Variants in POLR3A observed in about 807,000 individuals in gnomAD.
POLR3A encodes DNA-directed RNA polymerase III subunit RPC1.
A neutral mutation model predicts 152.8 loss-of-function variants in POLR3A; 112 were observed. The observed-to-expected ratio is 0.73, with a 90% CI of 0.63 to 0.86. POLR3A has a LOEUF of 0.86. Among genes scored for constraint, POLR3A ranks in the 40% least tolerant of loss-of-function variants. The probability of loss-of-function intolerance (pLI) is 0.00; values close to 1 mark genes in which losing one functional copy is unlikely to be tolerated. For synonymous variants in POLR3A, 615 were observed against 652.1 expected, an observed-to-expected ratio of 0.94 and a Z score of 0.87; for missense variants, 1,385 against 1,743.1, an observed-to-expected ratio of 0.79 and a Z score of 3.66.
intron 19 of POLR3A, among the ~76,000 whole-genome samples, chr10:77,999,236 C>G (rs913221906): frequency 1.3e-5 from 2 of 152,224 alleles, no homozygotes; most frequent in East Asian, 3.9e-4. Context: ...CAACATGGCA[C>G]ATGTATACAT....
chr10:78,028,356 C>T (rs1847657255), intron 1 of POLR3A, among the ~76,000 whole-genome samples: 1 of 152,154 alleles, frequency 6.6e-6, no homozygotes, highest in Non-Finnish European at 1.5e-5. Context: ...ACCCCCTGGA[C>T]CTACCCTTGT....
In POLR3A at chr10:78,004,813, A is replaced by G. The variant is rs1390740418; in HGVS notation, c.2150T>C (p.Leu717Pro). 1 of 1,614,040 alleles carries G rather than the reference A, an allele frequency of 6.2e-7. No individual in the cohort carries two copies. The highest frequency in any genetic ancestry group is 1.1e-5 in the South Asian group (1 of 91,074). ...ATCACATTTCTTGTAGCCGGCATTC[A>G]GCAACTCATACTTGGCCTTCAGCAG... Reference protein sequence around the residue: ...QGLLKAKYELLNAGYKKCDEY... With the variant: ...QGLLKAKYELPNAGYKKCDEY... Residue 717 changes from leucine to proline, a missense_variant, in exon 16 of 31, where the codon CTG becomes CCG. Physicochemically the swap from Leu to Pro is moderately conservative, Grantham distance 98 (BLOSUM62 -3). Coordinates refer to ENST00000372371, the MANE Select transcript of POLR3A (RefSeq NM_007055.4).
chr10:78,000,190 A>G (rs1029023461), intron 18 of POLR3A, 72 bp from the exon 19 acceptor site: 70 of 1,363,528 alleles, frequency 5.1e-5, no homozygotes, highest in Non-Finnish European at 7.2e-5. Context: ...ATCCACTCAA[A>G]TCAGAAAATG....
chr10:78,004,562 C>G (rs940016384), intron 16 of POLR3A, among the ~76,000 whole-genome samples, 154 bp downstream of exon 16: 3 of 152,142 alleles, frequency 2.0e-5, no homozygotes, highest in Admixed American at 1.3e-4. Context: ...AGGACATACA[C>G]AGTGAGCCCT....
chr10:77,999,342 G>T (rs1200499486), intron 19 of POLR3A, among the ~76,000 whole-genome samples: 3 of 151,944 alleles, frequency 2.0e-5, no homozygotes, highest in Non-Finnish European at 4.4e-5. Flanking sequence ...TGAGTGGAGA[G>T]TACAGGGATT....
intron 11 of POLR3A, among the ~76,000 whole-genome samples, chr10:78,012,555 C>T (rs927407397): frequency 1.3e-5 from 2 of 151,952 alleles, no homozygotes; most frequent in East Asian, 3.9e-4. Context: ...TTACCAGTTC[C>T]TAATATAGGA....
At chr10:78,028,941 C>G (rs1032059196) in intron 1 of POLR3A, among the ~76,000 whole-genome samples, 2 of 152,140 alleles carry the variant, frequency 1.3e-5, no homozygotes, top group African/African-American at 2.4e-5. Context: ...GTGGGCAACC[C>G]CATCCTTTTG....
intron 5 of POLR3A, among the ~76,000 whole-genome samples, chr10:78,022,716 T>C (rs1449375902): frequency 6.6e-6 from 1 of 152,232 alleles, no homozygotes; most frequent in Admixed American, 6.5e-5. Flanking sequence ...AAAGCTGTTC[T>C]TAACAGTGAA....
chr10:78,007,816 T>C lies in POLR3A; in HGVS notation c.1960A>G (p.Thr654Ala), dbSNP rs764166465. Residue 654 changes from threonine to alanine, a missense_variant, in exon 15 of 31, where the codon ACC becomes GCC. Physicochemically the swap from Thr to Ala is moderately conservative, Grantham distance 58. Transcript: ENST00000372371. ...TTGTTCTTGGATCCTGACCCTAGGGTTCCTTTGTCCATGCTGCCACTCATC... is the reference window on the plus strand; with the variant it reads ...TTGTTCTTGGATCCTGACCCTAGGGCTCCTTTGTCCATGCTGCCACTCATC... ...ELMSGSMDKG[T>A]LGSGSKNNIF... 38 of 1,613,002 alleles carry C rather than the reference T, an allele frequency of 2.4e-5. No homozygotes were observed. The highest frequency in any genetic ancestry group is 3.1e-5 in the Non-Finnish European group (36 of 1,179,154).
chr10:78,002,214 G>A lies in POLR3A; in HGVS notation c.2342C>T (p.Ala781Val). Residue 781 changes from alanine to valine, a missense_variant, in exon 17 of 31, where the codon GCT (alanine) becomes GTT (valine). By Grantham distance (64) the Ala-to-Val change is moderately conservative. This residue lies in a region of POLR3A where 170 missense variants were observed against 231.2 expected (regional missense o/e 0.74). Transcript: ENST00000372371. The stretch of plus-strand genomic sequence containing the variant: ...ATGCAGACCTTTGGAGCCGCACAGA[G>A]CCATGGTGAGGGGGCTGTTGCTCTT... ...LDKSNSPLTMALCGSKGSFIN... is the reference protein window; with the variant it reads ...LDKSNSPLTMVLCGSKGSFIN... The A allele has an allele frequency of 6.3e-7, 1 of 1,591,376 alleles. No individual in the cohort carries two copies. The highest frequency in any genetic ancestry group is 2.3e-5 in the East Asian group (1 of 44,216).
rs757615224 is a variant in POLR3A at position 78,013,599 on chromosome 10, C to T, written c.1572+51G>A. ...GTGTTTTCATGTAAGTTTCCTTTGC[C>T]TCCTTTCAAGGAGCTGTTATGCAAA... On this transcript the variant is annotated intron_variant, in intron 11 of 30. Coordinates refer to ENST00000372371, the MANE Select transcript of POLR3A (RefSeq NM_007055.4). 40 of 1,600,294 alleles carry T rather than the reference C, an allele frequency of 2.5e-5. No individual in the cohort carries two copies. The Admixed American group carries it at 6.3e-4, about 25-fold the overall frequency.
At chr10:78,011,036 C>T (rs116942908) in intron 11 of POLR3A, among the ~76,000 whole-genome samples, 7 of 152,058 alleles carry the variant, frequency 4.6e-5, no homozygotes, top group South Asian at 2.1e-4. Flanking sequence ...TTTGTGGAGA[C>T]GGGGTCTTAC....
rs919600031 is a variant in POLR3A at position 78,009,521 on chromosome 10, A to C, written c.1909+16T>G. ...TCACGTTCCTCCTTCTCCCCACCCG[A>C]GTTCCGTCCACTCACAGGAATCATT... On this transcript the variant is annotated intron_variant, in intron 14 of 30. Transcript: ENST00000372371. 14 of 1,614,074 alleles carry C rather than the reference A, an allele frequency of 8.7e-6. No individual in the cohort carries two copies. Among genetic ancestry groups the C allele is most frequent in the East Asian group, 2.2e-5 (1 of 44,892 alleles).
rs116289012 is a variant in POLR3A at position 78,024,495 on chromosome 10, C to T, written c.645+54G>A. ...GGGGAGAGAGTGTGCATGTGACGTG[C>T]GGAAGAGGCAGGCGGGAGGCAGGCG... On this transcript the variant is annotated intron_variant, in intron 5 of 30. Transcript: ENST00000372371. 7,954 of 1,591,048 alleles carry T rather than the reference C, an allele frequency of 5.0e-3. 384 individuals carry two copies. In the African/African-American group the frequency reaches 0.095, roughly 19 times the overall value.
chr10:78,024,077 G>C (rs1847606160), intron 5 of POLR3A, among the ~76,000 whole-genome samples: 1 of 152,062 alleles, frequency 6.6e-6, no homozygotes, highest in Non-Finnish European at 1.5e-5. Context: ...AATTACTGGA[G>C]AGCTGGCCGG....
At chr10:77,987,637 A>G (rs1210947384) in intron 21 of POLR3A, among the ~76,000 whole-genome samples, 2 of 152,226 alleles carry the variant, frequency 1.3e-5, no homozygotes, top group East Asian at 3.9e-4. Context: ...CCTATAAGGT[A>G]TCCACAGACA....
chr10:78,016,096 T>C (rs886846245), intron 10 of POLR3A, among the ~76,000 whole-genome samples: 1 of 152,144 alleles, frequency 6.6e-6, no homozygotes, highest in African/African-American at 2.4e-5. Context: ...TCTATGAATA[T>C]TGAACAAATT....
chr10:78,008,807 C>T (rs1035058881), intron 14 of POLR3A, among the ~76,000 whole-genome samples: 17 of 148,252 alleles, frequency 1.1e-4, no homozygotes, highest in Admixed American at 3.4e-4. Flanking sequence ...CCTAGGAGTT[C>T]GAGACCAGCC....
At chr10:77,986,376 G>A (rs1269349366) in intron 21 of POLR3A, among the ~76,000 whole-genome samples, 1 of 152,134 alleles carries the variant, frequency 6.6e-6, no homozygotes, top group Non-Finnish European at 1.5e-5. Context: ...ACACTCCATT[G>A]GTTAATGTGT....
Sources: gnomAD v4.1 joint callset for allele counts (sites outside exome capture counted in the v4.1 genomes callset) on GRCh38, gnomAD v4.1.1 for gene constraint, gnomAD v4.1.1 regional missense constraint, MANE v1.5 for transcripts, NCBI Gene and HGNC (gene_info 2026-07-23, HGNC 2026-07-21) for gene names.